GREB1: variants seen among roughly 807,000 people sequenced by gnomAD.
GREB1 encodes the protein protein GREB1.
A neutral mutation model predicts 200.7 loss-of-function variants in GREB1; 106 were observed. The ratio of observed to expected loss-of-function variants is 0.53; its 90% CI spans 0.45 to 0.62. The LOEUF (loss-of-function observed/expected upper bound fraction) is 0.62. Ranked by LOEUF, GREB1 falls within the 20% of genes least tolerant of loss-of-function variation. The pLI is 0.00. For synonymous variants in GREB1, 1,132 were observed against 1,092.4 expected, an observed-to-expected ratio of 1.04 and a Z score of -0.72; for missense variants, 2,243 against 2,556.8, an observed-to-expected ratio of 0.88 and a Z score of 2.65.
intron 22 of GREB1, among the ~76,000 whole-genome samples, chr2:11,620,101 C>T (rs150153617): frequency 0.05 from 7,585 of 152,254 alleles, 239 homozygotes; most frequent in Non-Finnish European, 0.07. Context: ...CTCAGCCTCC[C>T]GAGTAGCTGG....
intron 1 of GREB1, among the ~76,000 whole-genome samples, chr2:11,510,443 A>C (rs1437032873): frequency 3.3e-5 from 5 of 152,192 alleles, no homozygotes; most frequent in African/African-American, 1.2e-4. Context: ...TAGGGGTTGT[A>C]AAATGATGAC....
At chr2:11,638,019 G>A (rs974050753) in intron 31 of GREB1, 103 bp downstream of exon 31, 23 of 987,150 alleles carry the variant, frequency 2.3e-5, no homozygotes, top group South Asian at 1.6e-4. Flanking sequence ...CAACTCCTTC[G>A]TCTCGGGGTT....
chr2:11,554,768 G>A lies in GREB1; in HGVS notation c.-161-1686G>A, dbSNP rs1297278295. Among the ~76,000 whole-genome samples the A allele has an allele frequency of 3.3e-5, 5 of 152,206 alleles. No homozygotes were observed. The East Asian group carries it at 9.6e-4, about 29-fold the overall frequency. ...TTCATCCCTTGTAGAGTTTACGAAT[G>A]TCTTTTCTCATATCTGTAAAACTCC... On this transcript the variant is annotated intron_variant, in intron 1 of 32. Coordinates refer to ENST00000381486, the MANE Select transcript of GREB1 (RefSeq NM_014668.4).
At chr2:11,489,400 A>G (rs1414958942) in intron 1 of GREB1, among the ~76,000 whole-genome samples, 1 of 152,218 alleles carries the variant, frequency 6.6e-6, no homozygotes, top group Non-Finnish European at 1.5e-5. Context: ...TGGAGGTTGC[A>G]GTGAGCCAAG....
chr2:11,587,605 C>G, intron 9 of GREB1: 13 of 1,459,212 alleles, frequency 8.9e-6, no homozygotes, highest in Middle Eastern at 4.9e-4. Flanking sequence ...CTTTACTCCC[C>G]GAGCCCAGCA....
At position 11,629,364 on chromosome 2, in the gene GREB1, G is replaced by A. The variant is rs1435996724; in HGVS notation, c.4450-584G>A. Among the ~76,000 whole-genome samples, 1 of 152,180 alleles carries A rather than the reference G, an allele frequency of 6.6e-6. No homozygotes were observed. Among genetic ancestry groups the A allele is most frequent in the Non-Finnish European group, 1.5e-5 (1 of 68,034 alleles). On this transcript the variant is annotated intron_variant, in intron 25 of 32. Coordinates refer to ENST00000381486, the MANE Select transcript of GREB1 (RefSeq NM_014668.4). This position sits in a 1 kb window ranked among gnomAD's most constrained non-coding sequence, Gnocchi z 5.2. ...TGGAGGCTGGAGGAGGTGACTAAGG[G>A]CGCAGCCAGACTTGGTGACTTGGTG...
intron 22 of GREB1, among the ~76,000 whole-genome samples, chr2:11,620,156 T>C (rs1683884849): frequency 6.6e-6 from 1 of 152,162 alleles, no homozygotes; most frequent in Admixed American, 6.5e-5. Context: ...TTTGTATTTT[T>C]AGTAGAGATG....
At chr2:11,511,068 A>C (rs942171388) in intron 1 of GREB1, among the ~76,000 whole-genome samples, 4 of 152,216 alleles carry the variant, frequency 2.6e-5, no homozygotes, top group African/African-American at 9.6e-5. Context: ...AGCTTTGGCC[A>C]GCGCAAACTC....
intron 1 of GREB1, chr2:11,539,795 A>ATTTTTTTTTTTTTTTTTTTTTT (rs66629142): frequency 8.2e-6 from 1 of 121,278 alleles, no homozygotes. Context: ...CTACTGCTGA[A>ATTTTTTTTTTTTTTTTTTTTTT]TTTTTTTTTT....
At chr2:11,592,718 T>TG in intron 10 of GREB1, 58 bp from the exon 11 acceptor site, 1 of 1,161,196 alleles carries the variant, frequency 8.6e-7, no homozygotes, top group Non-Finnish European at 1.2e-6. Context: ...ACTGCACCCG[T>TG]GCGTCCCCGG....
At chr2:11,610,150 A>G (rs1682788976) in intron 17 of GREB1, among the ~76,000 whole-genome samples, 1 of 152,158 alleles carries the variant, frequency 6.6e-6, no homozygotes, top group Non-Finnish European at 1.5e-5. Flanking sequence ...TTGGCTGGAT[A>G]TGTTCTGATT....
chr2:11,593,246 C>G, intron 11 of GREB1, 120 bp downstream of exon 11: 1 of 661,220 alleles, frequency 1.5e-6, no homozygotes, highest in South Asian at 2.0e-5. Context: ...CAGTTAGCAC[C>G]TGCGGTTTGT....
At chr2:11,558,976 A>T (rs566520491) in intron 2 of GREB1, among the ~76,000 whole-genome samples, 85 of 152,210 alleles carry the variant, frequency 5.6e-4, no homozygotes, top group Middle Eastern at 3.4e-3. Flanking sequence ...TGATTTTTTT[A>T]AAAAAAGAGA....
In GREB1 at chr2:11,556,907, C is replaced by G. The variant is rs935411509; in HGVS notation, c.157+136C>G. ...GAAAAGAATTATTAGAAAAAGAAAA[C>G]TGGGTACAAGTTCTTACTTTGGCTA... On this transcript the variant is annotated intron_variant, in intron 2 of 32. Transcript: ENST00000381486. 1.0e-5 allele frequency: 7 copies of G among 679,308 alleles called. No homozygotes were observed. The African/African-American group carries it at 1.1e-4, about 11-fold the overall frequency. 42.1% of individuals were successfully genotyped at this position (679,308 alleles called of 1,614,324 possible).
intron 23 of GREB1, among the ~76,000 whole-genome samples, chr2:11,623,021 C>A (rs752218072): frequency 6.6e-6 from 1 of 152,194 alleles, no homozygotes; most frequent in African/African-American, 2.4e-5. Flanking sequence ...CCCACGGACT[C>A]AATAACAATT....
chr2:11,601,565 G>C (rs745757277), intron 16 of GREB1, among the ~76,000 whole-genome samples: 1 of 152,222 alleles, frequency 6.6e-6, no homozygotes, highest in African/African-American at 2.4e-5. Flanking sequence ...AGTTACACAA[G>C]AATAAGTAAA....
At chr2:11,639,568 A>G (rs921914934) in intron 32 of GREB1, among the ~76,000 whole-genome samples, 3 of 152,200 alleles carry the variant, frequency 2.0e-5, no homozygotes, top group Non-Finnish European at 4.4e-5. Flanking sequence ...CTTGTTCTGC[A>G]TGACTTGAAA....
intron 6 of GREB1, among the ~76,000 whole-genome samples, chr2:11,579,945 G>A (rs994500117): frequency 6.6e-6 from 1 of 152,192 alleles, no homozygotes; most frequent in African/African-American, 2.4e-5. Flanking sequence ...CCAAGACTGA[G>A]TAATTTATAA....
chr2:11,592,638 C>A, intron 10 of GREB1, 138 bp from the exon 11 acceptor site: 1 of 545,118 alleles, frequency 1.8e-6, no homozygotes, highest in Non-Finnish European at 3.1e-6. Context: ...GGATTTTATG[C>A]CCTCCCCTCG....
Sources: gnomAD v4.1 joint callset for allele counts (sites outside exome capture counted in the v4.1 genomes callset) on GRCh38, gnomAD v4.1.1 for gene constraint, Gnocchi (gnomAD v3.1) non-coding constraint, MANE v1.5 for transcripts, NCBI Gene and HGNC (gene_info 2026-07-23, HGNC 2026-07-21) for gene names.